MAGI1: variants seen among roughly 807,000 people sequenced by gnomAD.
The protein encoded by MAGI1 is membrane-associated guanylate kinase, WW and PDZ domain-containing protein 1.
In MAGI1, 58 loss-of-function variants were observed where a neutral mutation model predicts 139.9. The ratio of observed to expected loss-of-function variants is 0.41; its 90% CI spans 0.34 to 0.52. The LOEUF (loss-of-function observed/expected upper bound fraction) is 0.52, where lower values mean the gene tolerates loss of function less well. MAGI1 is among the 20% of genes least tolerant of loss of function. The pLI is 0.12. For synonymous variants in MAGI1, 812 were observed against 737.9 expected, an observed-to-expected ratio of 1.10 and a Z score of -1.63; for missense variants, 1,874 against 1,901.6, an observed-to-expected ratio of 0.99 and a Z score of 0.27.
chr3:65,632,871 G>T (rs562588767), intron 1 of MAGI1, among the ~76,000 whole-genome samples: 14 of 152,316 alleles, frequency 9.2e-5, no homozygotes, highest in Admixed American at 5.2e-4. Flanking sequence ...TAGAGTTCAA[G>T]TAATACTTGG....
chr3:65,866,799 C>A (rs58434222), intron 1 of MAGI1, among the ~76,000 whole-genome samples: 24,191 of 151,038 alleles, frequency 0.16, 2,484 homozygotes, highest in East Asian at 0.33. Context: ...GAAAAAAGAA[C>A]AAACAAACAA....
In MAGI1 at chr3:65,559,397, C is replaced by T. The variant is rs189817841; in HGVS notation, c.430+62575G>A. ...AATCTATCTGAAAATTTCAGGGATA[C>T]TTCCACCTGATTGAATGAGTCCATA... On this transcript the variant is annotated intron_variant, in intron 2 of 22. Coordinates refer to ENST00000402939, the MANE Select transcript of MAGI1 (RefSeq NM_001033057.2). 1.1e-3 allele frequency among the ~76,000 whole-genome samples: 175 copies of T among 152,338 alleles called. 3 individuals are homozygous for T. The East Asian group carries it at 0.03, about 26-fold the overall frequency.
In MAGI1 at chr3:65,525,273, C is replaced by G. The variant is rs549085891; in HGVS notation, c.431-31642G>C. 2.0e-5 allele frequency among the ~76,000 whole-genome samples: 3 copies of G among 152,316 alleles called. No homozygotes were observed. The South Asian group carries it at 6.2e-4, about 32-fold the overall frequency. ...GAGCAGAGGAGTACCTTTCTCAAATCTGCAACTCTGCTTCAATATGACCCT... is the reference window on the plus strand; with the variant it reads ...GAGCAGAGGAGTACCTTTCTCAAATGTGCAACTCTGCTTCAATATGACCCT... On this transcript the variant is annotated intron_variant, in intron 2 of 22. Transcript: ENST00000402939.
chr3:65,542,072 G>A (rs899591573), intron 2 of MAGI1, among the ~76,000 whole-genome samples: 2 of 152,148 alleles, frequency 1.3e-5, no homozygotes, highest in Non-Finnish European at 2.9e-5. Flanking sequence ...CTTCAGCAAA[G>A]TCTCAGGATA....
At chr3:65,526,286 T>C (rs1256760300) in intron 2 of MAGI1, among the ~76,000 whole-genome samples, 2 of 152,182 alleles carry the variant, frequency 1.3e-5, no homozygotes, top group Admixed American at 6.5e-5. Context: ...TTAAGGTAAC[T>C]TGGGAAGTTA....
intron 2 of MAGI1, among the ~76,000 whole-genome samples, chr3:65,510,284 AC>A (rs2077516794): frequency 6.6e-6 from 1 of 152,218 alleles, no homozygotes; most frequent in Non-Finnish European, 1.5e-5. Flanking sequence ...CTCACCAGCA[AC>A]GGAACAAAGC....
chr3:65,680,788 G>C lies in MAGI1; in HGVS notation c.314-58700C>G, dbSNP rs190950309. Among the ~76,000 whole-genome samples the C allele has an allele frequency of 3.3e-3, 448 of 137,130 alleles. 3 individuals carry two copies. The highest frequency in any genetic ancestry group is 0.023 in the East Asian group (117 of 5,174). The allele number at this position is 137,130 out of a possible 152,430, so 90.0% of individuals were successfully genotyped here. On this transcript the variant is annotated intron_variant, in intron 1 of 22. Coordinates refer to ENST00000402939, the MANE Select transcript of MAGI1 (RefSeq NM_001033057.2). ...GATATGATATGATATGATATGATAT[G>C]ATATGATATACTTTAATAATTATTA... is the stretch of plus-strand genomic sequence containing the variant.
At chr3:65,605,268 T>C (rs1021646671) in intron 2 of MAGI1, among the ~76,000 whole-genome samples, 1 of 152,258 alleles carries the variant, frequency 6.6e-6, no homozygotes, top group Non-Finnish European at 1.5e-5. Flanking sequence ...TTTTGTGTTG[T>C]GACTCTTGCT....
intron 1 of MAGI1, among the ~76,000 whole-genome samples, chr3:65,950,708 AC>A (rs1047771603): frequency 3.9e-5 from 6 of 152,122 alleles, no homozygotes; most frequent in African/African-American, 1.4e-4. Context: ...ACAAAATGCT[AC>A]CCCCCACTGG....
chr3:66,026,605 T>C (rs2068275208), intron 1 of MAGI1, among the ~76,000 whole-genome samples: 1 of 151,210 alleles, frequency 6.6e-6, no homozygotes, highest in South Asian at 2.1e-4. Flanking sequence ...GGGAGACAGT[T>C]GGGCAAAACT....
At chr3:65,969,737 T>C (rs2064934229) in intron 1 of MAGI1, among the ~76,000 whole-genome samples, 1 of 152,208 alleles carries the variant, frequency 6.6e-6, no homozygotes, top group African/African-American at 2.4e-5. Flanking sequence ...TCATGTGCTG[T>C]CCAAAACAGC....
chr3:65,429,109 GTTA>G (rs1947285495), intron 12 of MAGI1, among the ~76,000 whole-genome samples: 1 of 151,848 alleles, frequency 6.6e-6, no homozygotes, highest in African/African-American at 2.4e-5. Flanking sequence ...AAGGATAAAG[GTTA>G]TTATTTTTTA....
In MAGI1 at chr3:65,478,636, T is replaced by C. The variant is rs199930661; in HGVS notation, c.713A>G (p.Asn238Ser). ...MQNAGIVHAE[N>S]EEEDDVPEMN... ...TTCAGGAACGTCATCCTCCTCCTCA[T>C]TCTCCGCGTGGACTATGCCAGCATT... is the stretch of plus-strand genomic sequence containing the variant. Residue 238 changes from asparagine to serine, a missense_variant, in exon 4 of 23, where the codon AAT (asparagine) becomes AGT (serine). Transcript: ENST00000402939. 55 of 1,613,962 alleles carry C rather than the reference T, an allele frequency of 3.4e-5. No individual in the cohort carries two copies. Among genetic ancestry groups the C allele is most frequent in the Non-Finnish European group, 4.5e-5 (53 of 1,179,990 alleles).
At chr3:65,846,983 A>AAAAAAAAAAC (rs1553716722) in intron 1 of MAGI1, among the ~76,000 whole-genome samples, 127 of 147,478 alleles carry the variant, frequency 8.6e-4, no homozygotes, top group South Asian at 6.0e-3. Context: ...TTACAAAAAA[A>AAAAAAAAAAC]AAAAAAAAAA....
At chr3:65,505,383 C>G (rs1365619240) in intron 2 of MAGI1, among the ~76,000 whole-genome samples, 4 of 101,162 alleles carry the variant, frequency 4.0e-5, no homozygotes, top group Non-Finnish European at 7.6e-5. Context: ...CGGCAGCTTT[C>G]TTGCTTAGTT....
chr3:65,794,068 G>T (rs1165074402), intron 1 of MAGI1, among the ~76,000 whole-genome samples: 1 of 152,058 alleles, frequency 6.6e-6, no homozygotes, highest in East Asian at 1.9e-4. Flanking sequence ...TACAGAACAC[G>T]ACTCGACCTG....
chr3:65,916,887 G>A (rs543635308), intron 1 of MAGI1, among the ~76,000 whole-genome samples: 2 of 152,224 alleles, frequency 1.3e-5, no homozygotes, highest in Admixed American at 6.5e-5. Context: ...TCAGGGATAA[G>A]TTCTACTGTT....
chr3:65,438,184 C>G (rs1423475825), intron 9 of MAGI1, among the ~76,000 whole-genome samples: 1 of 152,124 alleles, frequency 6.6e-6, no homozygotes. Context: ...CCATGGAATA[C>G]TGTTCAGCCA....
intron 1 of MAGI1, among the ~76,000 whole-genome samples, chr3:66,020,408 T>C (rs1408789760): frequency 6.6e-6 from 1 of 152,120 alleles, no homozygotes; most frequent in Non-Finnish European, 1.5e-5. Context: ...CCAGCCTCGG[T>C]GACAGAGCGA....
Sources: allele counts gnomAD v4.1 joint callset (sites outside exome capture counted in the v4.1 genomes callset), GRCh38; gene constraint gnomAD v4.1.1; transcripts MANE v1.5; gene names NCBI Gene and HGNC (gene_info 2026-07-23, HGNC 2026-07-21).